Variants in PDE11A observed in about 807,000 individuals in gnomAD.
The protein encoded by PDE11A is dual 3',5'-cyclic-AMP and -GMP phosphodiesterase 11A.
A neutral mutation model predicts 100.5 loss-of-function variants in PDE11A; 100 were observed. The ratio of observed to expected loss-of-function variants is 1.00; its 90% confidence interval spans 0.85 to 1.18. PDE11A has a LOEUF of 1.18. PDE11A is among the 50% of genes most tolerant of loss of function. The pLI, the probability that PDE11A is intolerant of heterozygous loss-of-function variation, is 0.00. For synonymous variants in PDE11A, 381 were observed against 420.8 expected (o/e 0.91, Z 1.16); for missense variants, 1,141 against 1,152.6 (o/e 0.99, Z 0.15).
chr2:177,934,209 T>C (rs1217875251), intron 2 of PDE11A, among the ~76,000 whole-genome samples: 2 of 151,968 alleles, frequency 1.3e-5, no homozygotes, highest in African/African-American at 4.8e-5. Flanking sequence ...CCCTACACAA[T>C]GGAAAAAACA....
intron 4 of PDE11A, among the ~76,000 whole-genome samples, chr2:177,893,951 T>A (rs1169499948): frequency 6.6e-6 from 1 of 152,210 alleles, no homozygotes; most frequent in African/African-American, 2.4e-5. Context: ...TACAGTAGAT[T>A]AGAAGGGTGG....
At chr2:177,962,056 CAAAAAAA>C (rs34148492) in intron 2 of PDE11A, among the ~76,000 whole-genome samples, 65 of 66,346 alleles carry the variant, frequency 9.8e-4, no homozygotes, top group African/African-American at 3.5e-3. Context: ...GACACTGTCT[CAAAAAAA>C]AAAAAAAAAA....
chr2:177,726,993 G>T (rs2081608843), intron 12 of PDE11A, among the ~76,000 whole-genome samples: 1 of 152,000 alleles, frequency 6.6e-6, no homozygotes, highest in Non-Finnish European at 1.5e-5. Flanking sequence ...CTTATTTCTT[G>T]CCAGAAGAAG....
chr2:177,978,940 G>A (rs2085840731), intron 2 of PDE11A, among the ~76,000 whole-genome samples: 1 of 123,462 alleles, frequency 8.1e-6, no homozygotes, highest in South Asian at 3.2e-4. Context: ...GTCGGGGGGA[G>A]GGGGGAGGGA....
chr2:177,809,293 C>A (rs1243302236), intron 9 of PDE11A, among the ~76,000 whole-genome samples: 1 of 152,030 alleles, frequency 6.6e-6, no homozygotes, highest in Non-Finnish European at 1.5e-5. Flanking sequence ...TCTTTTAAAG[C>A]AACAACAAAA....
chr2:177,793,691 A>G (rs2082663781), intron 9 of PDE11A, among the ~76,000 whole-genome samples: 1 of 152,106 alleles, frequency 6.6e-6, no homozygotes, highest in African/African-American at 2.4e-5. Context: ...GGCCACATAC[A>G]AGCAAACTGG....
intron 6 of PDE11A, among the ~76,000 whole-genome samples, chr2:177,837,551 G>A (rs539214875): frequency 2.5e-4 from 38 of 150,824 alleles, no homozygotes; most frequent in African/African-American, 7.8e-4. Context: ...TCAGCTCACT[G>A]CAAGCTCTGC....
chr2:177,821,976 A>G (rs993555469), intron 6 of PDE11A, among the ~76,000 whole-genome samples: 1 of 151,894 alleles, frequency 6.6e-6, no homozygotes, highest in African/African-American at 2.4e-5. Flanking sequence ...AGTATCTTCT[A>G]TATTCTGGAT....
intron 2 of PDE11A, among the ~76,000 whole-genome samples, chr2:177,970,314 G>C (rs139522990): frequency 3.9e-5 from 6 of 152,098 alleles, no homozygotes; most frequent in Admixed American, 1.3e-4. Context: ...CAGAGAGTGA[G>C]AGCAAGAATC....
chr2:178,072,438 G>A lies in PDE11A; in HGVS notation c.-1C>T. On this transcript the variant is annotated 5_prime_UTR_variant, in exon 1 of 20. Coordinates refer to ENST00000286063, the MANE Select transcript of PDE11A (RefSeq NM_016953.4). ...CAAAGTCCAGGCGGGAGGCTGCCAT[G>A]GTCCCAGACAGCTTTCCTTGCCTGT... The A allele has an allele frequency of 6.8e-6, 11 of 1,613,230 alleles. No individual in the cohort carries two copies. The highest frequency in any genetic ancestry group is 9.3e-6 in the Non-Finnish European group (11 of 1,180,042).
intron 1 of PDE11A, among the ~76,000 whole-genome samples, chr2:178,106,327 T>TA (rs2087617554): frequency 6.6e-6 from 1 of 152,240 alleles, no homozygotes; most frequent in Non-Finnish European, 1.5e-5. Flanking sequence ...TAGTTTTCTT[T>TA]AGGCAGTATC....
chr2:177,852,834 T>C (rs1168717946), intron 5 of PDE11A, among the ~76,000 whole-genome samples: 1 of 152,192 alleles, frequency 6.6e-6, no homozygotes, highest in Non-Finnish European at 1.5e-5. Context: ...TTTATCATGA[T>C]CTGTTAGTGG....
At chr2:178,019,660 G>A (rs2086381960) in intron 1 of PDE11A, among the ~76,000 whole-genome samples, 1 of 152,168 alleles carries the variant, frequency 6.6e-6, no homozygotes, top group Non-Finnish European at 1.5e-5. Flanking sequence ...GGTGGTCCAG[G>A]TAAGGTATGA....
In PDE11A at chr2:178,063,409, A is replaced by G. The variant is rs190075691; in HGVS notation, c.912+8117T>C. ...ACACAGAAATGACTGTCATGAAGAAAGTTCATACTCACAGACCCTAGAAAC... is the reference window on the plus strand; with the variant it reads ...ACACAGAAATGACTGTCATGAAGAAGGTTCATACTCACAGACCCTAGAAAC... On this transcript the variant is annotated intron_variant, in intron 1 of 19. Transcript: ENST00000286063. Among the ~76,000 whole-genome samples, 192 of 152,314 alleles carry G rather than the reference A, an allele frequency of 1.3e-3. 2 individuals are homozygous for G. Among genetic ancestry groups the G allele is most frequent in the African/African-American group, 4.4e-3 (185 of 41,574 alleles).
In PDE11A at chr2:177,705,254, A is replaced by G. The variant is rs369048692; in HGVS notation, c.2154-4043T>C. 3.3e-5 allele frequency among the ~76,000 whole-genome samples: 5 copies of G among 151,898 alleles called. No individual in the cohort carries two copies. The South Asian group carries it at 8.3e-4, about 25-fold the overall frequency. On this transcript the variant is annotated intron_variant, in intron 13 of 19. Coordinates refer to ENST00000286063, the MANE Select transcript of PDE11A (RefSeq NM_016953.4). ...TGAAAAAAAAACCCTGAGATCAATC[A>G]CATATGGAAAAAATTGACTTTAACA...
At chr2:178,006,929 C>A (rs906035459) in intron 2 of PDE11A, among the ~76,000 whole-genome samples, 3 of 152,182 alleles carry the variant, frequency 2.0e-5, no homozygotes, top group East Asian at 3.9e-4. Flanking sequence ...TTATACATTT[C>A]TTTCTGCCTC....
intron 5 of PDE11A, among the ~76,000 whole-genome samples, chr2:177,865,767 A>T (rs1205896429): frequency 6.6e-6 from 1 of 152,266 alleles, no homozygotes; most frequent in Non-Finnish European, 1.5e-5. Context: ...CACATATTAT[A>T]TAATTCCATT....
intron 2 of PDE11A, among the ~76,000 whole-genome samples, chr2:177,982,480 G>C (rs1212590746): frequency 6.6e-6 from 1 of 150,482 alleles, no homozygotes; most frequent in Non-Finnish European, 1.5e-5. Context: ...GGACTCTCTG[G>C]GGACAGAATG....
intron 10 of PDE11A, among the ~76,000 whole-genome samples, chr2:177,741,598 T>C (rs1559168808): frequency 6.6e-6 from 1 of 152,356 alleles, no homozygotes; most frequent in Admixed American, 6.5e-5. Context: ...ATTACAATTT[T>C]AGTTCTTTCT....
Sources: gnomAD v4.1 joint callset for allele counts (sites outside exome capture counted in the v4.1 genomes callset) on GRCh38, gnomAD v4.1.1 for gene constraint, MANE v1.5 for transcripts, NCBI Gene and HGNC (gene_info 2026-07-23, HGNC 2026-07-21) for gene names.